Variants in EYS observed in about 807,000 individuals in gnomAD.
EYS encodes EGF-like photoreceptor maintenance factor.
In EYS, 250 loss-of-function variants were observed where a neutral mutation model predicts 282.1. That is an observed-to-expected ratio of 0.89 (90% confidence interval 0.80 to 0.98). The LOEUF is 0.98. Ranked by LOEUF, EYS falls within the 50% of genes least tolerant of loss-of-function variation. The pLI, the probability that EYS is intolerant of heterozygous loss-of-function variation, is 0.00. For synonymous variants in EYS, 1,355 were observed against 1,282.9 expected, an observed-to-expected ratio of 1.06 and a Z score of -1.20; for missense variants, 4,016 against 3,709.0, an observed-to-expected ratio of 1.08 and a Z score of -2.15.
At chr6:65,193,856 A>G (rs1176592330) in intron 12 of EYS, among the ~76,000 whole-genome samples, 1 of 151,852 alleles carries the variant, frequency 6.6e-6, no homozygotes, top group Non-Finnish European at 1.5e-5. Flanking sequence ...CCACCCGAGG[A>G]CCAATGGGAT....
At chr6:65,321,825 G>A (rs1769484356) in intron 11 of EYS, among the ~76,000 whole-genome samples, 1 of 152,210 alleles carries the variant, frequency 6.6e-6, no homozygotes, top group Non-Finnish European at 1.5e-5. Context: ...ACAATGTGAT[G>A]TCTGGTGAAA....
intron 28 of EYS, among the ~76,000 whole-genome samples, chr6:64,390,143 A>T (rs144795878): frequency 0.031 from 4,717 of 152,156 alleles, 230 homozygotes; most frequent in African/African-American, 0.11. Context: ...AGTCTCGCTG[A>T]TTGCTAGCAC....
chr6:65,705,667 T>G (rs2149855900), intron 1 of EYS, among the ~76,000 whole-genome samples: 1 of 152,292 alleles, frequency 6.6e-6, no homozygotes, highest in South Asian at 2.1e-4. Flanking sequence ...TTATGGCAAC[T>G]GCAAACATGG....
chr6:65,317,480 A>G lies in EYS; in HGVS notation c.1766+17500T>C, dbSNP rs142785240. Among the ~76,000 whole-genome samples the G allele has an allele frequency of 1.2e-3, 177 of 152,294 alleles. 2 individuals carry two copies. The highest frequency in any genetic ancestry group is 4.0e-3 in the African/African-American group (166 of 41,560). On this transcript the variant is annotated intron_variant, in intron 11 of 42. Coordinates refer to ENST00000503581, the MANE Select transcript of EYS (RefSeq NM_001142800.2). ...GTTTTCCTATTGTTACGGTCTGTAT[A>G]TTTTATAAAATGAATGTCTTTGATT...
rs201498090 is a variant in EYS at position 64,372,130 on chromosome 6, G to GTTTTTTTTTTTTTT, written c.6078+16546_6078+16559dup. Reference sequence around the variant, plus strand: ...TAGCATCACTGGTCTGTATACTTGTGTTTTTTTTTTTTTTTTTTTTTTTTT... The same window carrying GTTTTTTTTTTTTTT: ...TAGCATCACTGGTCTGTATACTTGTGTTTTTTTTTTTTTTTTTTTTTTTTTTTTTTTTTTTTTTT... On this transcript the variant is annotated intron_variant, in intron 29 of 42. Coordinates refer to ENST00000503581, the MANE Select transcript of EYS (RefSeq NM_001142800.2). Among the ~76,000 whole-genome samples, 158 of 97,682 alleles carry GTTTTTTTTTTTTTT rather than the reference G, an allele frequency of 1.6e-3. 14 individuals carry two copies. Among genetic ancestry groups the GTTTTTTTTTTTTTT allele is most frequent in the African/African-American group, 5.1e-3 (109 of 21,222 alleles). The allele number at this position is 97,682 out of a possible 152,430, so 64.1% of individuals were successfully genotyped here.
At chr6:65,319,511 C>T (rs1326111385) in intron 11 of EYS, among the ~76,000 whole-genome samples, 1 of 151,998 alleles carries the variant, frequency 6.6e-6, no homozygotes, top group Non-Finnish European at 1.5e-5. Context: ...ATGTACTGTC[C>T]TGATACTTGG....
intron 12 of EYS, among the ~76,000 whole-genome samples, chr6:65,184,430 A>C (rs1322328268): frequency 6.6e-6 from 1 of 151,888 alleles, no homozygotes; most frequent in African/African-American, 2.4e-5. Flanking sequence ...GCCATCTTTT[A>C]AAAGTCCCTT....
At chr6:64,398,104 T>C (rs1024304047) in intron 28 of EYS, among the ~76,000 whole-genome samples, 1 of 151,900 alleles carries the variant, frequency 6.6e-6, no homozygotes, top group Admixed American at 6.6e-5. Context: ...ATTTTATAGG[T>C]ATTTAATAAT....
intron 31 of EYS, among the ~76,000 whole-genome samples, chr6:64,199,226 C>A (rs1329025979): frequency 6.6e-6 from 1 of 152,036 alleles, no homozygotes; most frequent in Non-Finnish European, 1.5e-5. Flanking sequence ...GTACTGGTAC[C>A]AAAACAGATA....
intron 1 of EYS, among the ~76,000 whole-genome samples, chr6:65,685,579 A>G (rs1046947995): frequency 3.3e-5 from 5 of 152,198 alleles, no homozygotes; most frequent in Non-Finnish European, 7.4e-5. Flanking sequence ...TATATCACAT[A>G]GAGTTCAACC....
chr6:64,983,302 T>C (rs952671664), intron 14 of EYS, among the ~76,000 whole-genome samples: 1 of 151,220 alleles, frequency 6.6e-6, no homozygotes, highest in Non-Finnish European at 1.5e-5. Context: ...AGAGTGCACT[T>C]CTTATCTAGT....
chr6:63,873,353 T>G (rs1184794265), intron 35 of EYS, among the ~76,000 whole-genome samples: 1 of 152,200 alleles, frequency 6.6e-6, no homozygotes, highest in Non-Finnish European at 1.5e-5. Context: ...TATGGCTGCA[T>G]AGTATTCCAT....
intron 34 of EYS, among the ~76,000 whole-genome samples, chr6:63,989,704 C>G (rs939109087): frequency 6.6e-5 from 10 of 151,354 alleles, no homozygotes; most frequent in African/African-American, 2.4e-4. Flanking sequence ...TCTTAGTTGT[C>G]TTTTAGGCCT....
At chr6:65,305,833 G>T (rs945096250) in intron 11 of EYS, among the ~76,000 whole-genome samples, 5 of 152,066 alleles carry the variant, frequency 3.3e-5, no homozygotes, top group Admixed American at 6.5e-5. Context: ...AACCCCTGTT[G>T]CCCAGTATTT....
chr6:63,796,582 C>A lies in EYS; in HGVS notation c.7412-7358G>T, dbSNP rs538152134. On this transcript the variant is annotated intron_variant, in intron 37 of 42. Transcript: ENST00000503581. ...AGTTGTAATTTGTTATTTCTTCAAA[C>A]TATTATTCTAATATGGTAAAATAGT... 7.3e-4 allele frequency among the ~76,000 whole-genome samples: 111 copies of A among 152,254 alleles called. 3 individuals are homozygous for A. In the South Asian group the frequency reaches 0.022, roughly 30 times the overall value.
At chr6:64,357,537 T>C (rs1771864174) in intron 29 of EYS, among the ~76,000 whole-genome samples, 1 of 151,632 alleles carries the variant, frequency 6.6e-6, no homozygotes, top group Non-Finnish European at 1.5e-5. Flanking sequence ...ACTTACCCTT[T>C]TTCTACTTTT....
intron 34 of EYS, among the ~76,000 whole-genome samples, chr6:63,989,579 C>A (rs2149795485): frequency 1.3e-5 from 2 of 151,532 alleles, no homozygotes; most frequent in South Asian, 4.2e-4. Flanking sequence ...AGGACAGAGC[C>A]TTCACCCTGA....
intron 35 of EYS, among the ~76,000 whole-genome samples, chr6:63,881,646 C>G (rs552326918): frequency 2.6e-5 from 4 of 152,072 alleles, no homozygotes; most frequent in African/African-American, 4.8e-5. Flanking sequence ...ATTTATTTCA[C>G]TTAAGGTTAA....
intron 11 of EYS, chr6:65,302,849 G>T (rs1768889771): frequency 6.2e-7 from 1 of 1,611,980 alleles, no homozygotes; most frequent in African/African-American, 1.3e-5. Context: ...TGAGTCACCA[G>T]AAGAGGAAGT....
Sources: allele counts gnomAD v4.1 joint callset (sites outside exome capture counted in the v4.1 genomes callset), GRCh38; gene constraint gnomAD v4.1.1; transcripts MANE v1.5; gene names NCBI Gene and HGNC (gene_info 2026-07-23, HGNC 2026-07-21).